CNBD1: variants seen among roughly 807,000 people sequenced by gnomAD.
CNBD1 encodes cyclic nucleotide-binding domain-containing protein 1.
A neutral mutation model predicts 54.4 loss-of-function variants in CNBD1; 71 were observed. The observed-to-expected ratio is 1.30, with a 90% CI of 1.08 to 1.59. The LOEUF is 1.59. CNBD1 is among the 40% of genes most tolerant of loss of function. CNBD1 has a pLI of 0.00. For missense variants in CNBD1, 659 were observed against 518.0 expected (o/e 1.27, Z -2.64); for synonymous variants, 182 against 170.7 (o/e 1.07, Z -0.51).
chr8:87,198,385 AT>A (rs1813766692), intron 4 of CNBD1, among the ~76,000 whole-genome samples: 1 of 152,196 alleles, frequency 6.6e-6, no homozygotes, highest in African/African-American at 2.4e-5. Context: ...AGAAAAGCTT[AT>A]TTCCAGAGTT....
intron 2 of CNBD1, among the ~76,000 whole-genome samples, chr8:86,903,857 C>A (rs563207099): frequency 3.9e-3 from 289 of 73,678 alleles, no homozygotes; most frequent in African/African-American, 0.017. Context: ...ATGTGAGTTA[C>A]AAACAGAATT....
intron 2 of CNBD1, among the ~76,000 whole-genome samples, chr8:87,423,157 G>C (rs914965547): frequency 1.3e-5 from 2 of 152,144 alleles, no homozygotes; most frequent in Non-Finnish European, 2.9e-5. Flanking sequence ...TTGCTTATCA[G>C]CTTTAAGGAG....
At chr8:87,266,661 A>C (rs907991841) in intron 6 of CNBD1, among the ~76,000 whole-genome samples, 3 of 151,722 alleles carry the variant, frequency 2.0e-5, no homozygotes, top group African/African-American at 7.3e-5. Context: ...CATGTTGGTC[A>C]GGCTAGTCTT....
intron 4 of CNBD1, among the ~76,000 whole-genome samples, chr8:86,981,310 G>A (rs1392108893): frequency 6.6e-6 from 1 of 152,118 alleles, no homozygotes; most frequent in Non-Finnish European, 1.5e-5. Flanking sequence ...AGTCCTCTAT[G>A]GCCTTCATTT....
At chr8:87,296,607 A>ATG (rs1397020659) in intron 8 of CNBD1, among the ~76,000 whole-genome samples, 1 of 78,170 alleles carries the variant, frequency 1.3e-5, no homozygotes, top group Non-Finnish European at 3.1e-5. Context: ...ATAATTTGGT[A>ATG]TATATATATA....
chr8:87,017,026 A>G (rs1351119640), intron 4 of CNBD1, among the ~76,000 whole-genome samples: 1 of 152,188 alleles, frequency 6.6e-6, no homozygotes, highest in African/African-American at 2.4e-5. Context: ...CCTCCCACAG[A>G]ATCATAGGTT....
At chr8:87,310,238 C>T (rs937378506) in intron 8 of CNBD1, among the ~76,000 whole-genome samples, 1 of 152,016 alleles carries the variant, frequency 6.6e-6, no homozygotes, top group Non-Finnish European at 1.5e-5. Context: ...ATGCTATAGT[C>T]CCAGCACTCA....
intron 4 of CNBD1, among the ~76,000 whole-genome samples, chr8:87,087,746 G>A (rs926926244): frequency 3.9e-5 from 6 of 152,078 alleles, no homozygotes; most frequent in African/African-American, 1.4e-4. Context: ...GATTACAGGC[G>A]TGAGCCACTG....
intron 5 of CNBD1, among the ~76,000 whole-genome samples, chr8:87,217,775 A>G (rs1445373926): frequency 1.3e-5 from 2 of 152,066 alleles, no homozygotes; most frequent in African/African-American, 4.8e-5. Flanking sequence ...TGACTGGCTT[A>G]TACTAGAAAT....
At chr8:87,097,782 A>G (rs1811348873) in intron 4 of CNBD1, among the ~76,000 whole-genome samples, 1 of 152,200 alleles carries the variant, frequency 6.6e-6, no homozygotes, top group African/African-American at 2.4e-5. Flanking sequence ...CTAGTTTTTC[A>G]GATTCCTGCA....
chr8:87,153,966 G>A (rs1052941420), intron 4 of CNBD1, among the ~76,000 whole-genome samples: 1 of 152,172 alleles, frequency 6.6e-6, no homozygotes, highest in Non-Finnish European at 1.5e-5. Flanking sequence ...GTAGTGGCAC[G>A]GAACTGAAGG....
chr8:87,030,436 G>A (rs1222931031), intron 4 of CNBD1, among the ~76,000 whole-genome samples: 1 of 152,110 alleles, frequency 6.6e-6, no homozygotes, highest in Non-Finnish European at 1.5e-5. Flanking sequence ...TTGAAAGATA[G>A]TGAAAGATTA....
intron 4 of CNBD1, among the ~76,000 whole-genome samples, chr8:86,973,052 T>C (rs1331684288): frequency 6.6e-6 from 1 of 152,208 alleles, no homozygotes; most frequent in Non-Finnish European, 1.5e-5. Flanking sequence ...GTAATCATCT[T>C]GTTTGATGAA....
chr8:87,390,704 C>G (rs1035279042), intron 2 of CNBD1, among the ~76,000 whole-genome samples: 4 of 152,040 alleles, frequency 2.6e-5, no homozygotes, highest in African/African-American at 4.8e-5. Context: ...GGATCTAGAA[C>G]TAGAAATACC....
intron 2 of CNBD1, among the ~76,000 whole-genome samples, chr8:87,422,497 G>A (rs997548523): frequency 6.6e-6 from 1 of 151,656 alleles, no homozygotes; most frequent in African/African-American, 2.4e-5. Flanking sequence ...CATATGGCTA[G>A]CCAGTTTTCC....
intron 4 of CNBD1, among the ~76,000 whole-genome samples, chr8:87,025,822 T>G (rs1245599107): frequency 1.3e-5 from 2 of 151,956 alleles, no homozygotes; most frequent in Non-Finnish European, 2.9e-5. Flanking sequence ...ACTGTAATAC[T>G]CACCACGACT....
chr8:87,227,572 A>T, intron 5 of CNBD1, among the ~76,000 whole-genome samples: 1 of 112,684 alleles, frequency 8.9e-6, no homozygotes, highest in African/African-American at 3.8e-5. Flanking sequence ...ATTGGCCCCC[A>T]CTCTCTTCTG....
intron 8 of CNBD1, among the ~76,000 whole-genome samples, chr8:87,319,455 C>T (rs569972676): frequency 3.6e-4 from 54 of 152,026 alleles, no homozygotes; most frequent in African/African-American, 1.1e-3. Flanking sequence ...TTTTACCTCA[C>T]GTAAATGGAG....
rs903278256 is a variant in CNBD1 at position 87,371,670 on chromosome 8, A to C, written c.1304-10950A>C. ...AAGTGGGCTTCATCCCTGGGATGCAAGGCTGGTTCAATATATGCAAATCAA... is the reference window on the plus strand; with the variant it reads ...AAGTGGGCTTCATCCCTGGGATGCACGGCTGGTTCAATATATGCAAATCAA... On this transcript the variant is annotated intron_variant, in intron 10 of 10. Transcript: ENST00000518476. Among the ~76,000 whole-genome samples, 88 of 152,186 alleles carry C rather than the reference A, an allele frequency of 5.8e-4. 1 individual carries two copies. The highest frequency in any genetic ancestry group is 1.7e-3 in the African/African-American group (70 of 41,564).
Sources: gnomAD v4.1 joint callset for allele counts (sites outside exome capture counted in the v4.1 genomes callset) on GRCh38, gnomAD v4.1.1 for gene constraint, MANE v1.5 for transcripts, NCBI Gene and HGNC (gene_info 2026-07-23, HGNC 2026-07-21) for gene names.